Variants in GALNT13 observed in about 807,000 individuals in gnomAD.
GALNT13 encodes UDP-GalNAc:polypeptide N-acetylgalactosaminyltransferase 13.
In GALNT13, 28 loss-of-function variants were observed where a neutral mutation model predicts 64.2. The ratio of observed to expected loss-of-function variants is 0.44; its 90% confidence interval spans 0.32 to 0.60. The LOEUF (loss-of-function observed/expected upper bound fraction) is 0.60. GALNT13 is among the 20% of genes least tolerant of loss of function. The probability of loss-of-function intolerance (pLI) is 0.05; values close to 1 mark genes in which losing one functional copy is unlikely to be tolerated. For synonymous variants in GALNT13, 214 were observed against 224.6 expected, an observed-to-expected ratio of 0.95 and a Z score of 0.42; for missense variants, 577 against 669.8, an observed-to-expected ratio of 0.86 and a Z score of 1.53.
the GALNT13 span, among the ~76,000 whole-genome samples, chr2:153,793,202 G>A: frequency 6.6e-6 from 1 of 151,744 alleles, no homozygotes; most frequent in Admixed American, 6.6e-5. Flanking sequence ...TTGATTTCTT[G>A]ACCTTGTGAT....
chr2:154,278,611 T>C (rs1289411380), intron 8 of GALNT13, among the ~76,000 whole-genome samples: 1 of 152,168 alleles, frequency 6.6e-6, no homozygotes, highest in African/African-American at 2.4e-5. Flanking sequence ...AAGTCAAAAC[T>C]GTCAGTGAAG....
At chr2:153,416,746 C>CCT in the GALNT13 span, among the ~76,000 whole-genome samples, 2 of 152,134 alleles carry the variant, frequency 1.3e-5, no homozygotes, top group Non-Finnish European at 2.9e-5. Flanking sequence ...GCCAGATACT[C>CCT]CTCTATGTGA....
the GALNT13 span, among the ~76,000 whole-genome samples, chr2:153,610,109 C>T: frequency 6.6e-6 from 1 of 152,098 alleles, no homozygotes; most frequent in Non-Finnish European, 1.5e-5. Flanking sequence ...TCCCATCATT[C>T]ATAGAGAAGA....
the GALNT13 span, among the ~76,000 whole-genome samples, chr2:153,568,884 A>G: frequency 1.2e-3 from 185 of 152,368 alleles, 1 homozygote; most frequent in Non-Finnish European, 2.0e-3. Flanking sequence ...TCATGGACAT[A>G]GAGTATGTCT....
At chr2:153,357,098 G>A in the GALNT13 span, among the ~76,000 whole-genome samples, 14 of 152,050 alleles carry the variant, frequency 9.2e-5, no homozygotes, top group African/African-American at 1.7e-4. Context: ...GTGAGCCACC[G>A]TGCCCGACAG....
At chr2:153,745,440 T>C in the GALNT13 span, among the ~76,000 whole-genome samples, 1 of 152,156 alleles carries the variant, frequency 6.6e-6, no homozygotes, top group Non-Finnish European at 1.5e-5. Context: ...AGTTAGCATT[T>C]GGTTTGGGCA....
chr2:154,274,765 G>A (rs1401081018), intron 8 of GALNT13, among the ~76,000 whole-genome samples: 1 of 151,998 alleles, frequency 6.6e-6, no homozygotes, highest in African/African-American at 2.4e-5. Context: ...TTGGTACTGG[G>A]GGTACCAAAA....
At chr2:153,302,728 T>G in the GALNT13 span, among the ~76,000 whole-genome samples, 6 of 152,160 alleles carry the variant, frequency 3.9e-5, no homozygotes, top group Non-Finnish European at 8.8e-5. Context: ...GTTGATTTTT[T>G]TGTATATGTT....
chr2:154,409,638 T>G (rs1046027294), intron 11 of GALNT13, among the ~76,000 whole-genome samples: 13 of 151,952 alleles, frequency 8.6e-5, no homozygotes, highest in Non-Finnish European at 1.8e-4. Flanking sequence ...ATGGAGGCTA[T>G]TTGGCTGTGA....
chr2:153,503,785 T>C, the GALNT13 span, among the ~76,000 whole-genome samples: 1 of 152,212 alleles, frequency 6.6e-6, no homozygotes, highest in African/African-American at 2.4e-5. Context: ...TTGGCAACTA[T>C]GGCCTTATAG....
the GALNT13 span, among the ~76,000 whole-genome samples, chr2:153,570,120 T>A: frequency 1.3e-5 from 2 of 152,186 alleles, no homozygotes; most frequent in Non-Finnish European, 2.9e-5. Flanking sequence ...ATTGCCTGTC[T>A]TTTGGATAAA....
chr2:153,857,771 C>T, the GALNT13 span, among the ~76,000 whole-genome samples: 1 of 152,094 alleles, frequency 6.6e-6, no homozygotes, highest in Non-Finnish European at 1.5e-5. Flanking sequence ...TGTTTAAATA[C>T]AGGATTTTAA....
At chr2:153,552,705 A>G in the GALNT13 span, among the ~76,000 whole-genome samples, 3 of 151,756 alleles carry the variant, frequency 2.0e-5, no homozygotes, top group Non-Finnish European at 4.4e-5. Context: ...TTTCTAGAAC[A>G]GTGGTCCCCA....
chr2:153,561,697 G>A, the GALNT13 span, among the ~76,000 whole-genome samples: 2 of 149,322 alleles, frequency 1.3e-5, no homozygotes, highest in Non-Finnish European at 3.0e-5. Context: ...CTTAGGTTAG[G>A]TAAGACCTCC....
At chr2:153,915,405 T>C (rs1426644677) in intron 2 of GALNT13, among the ~76,000 whole-genome samples, 1 of 152,186 alleles carries the variant, frequency 6.6e-6, no homozygotes, top group Non-Finnish European at 1.5e-5. Context: ...AGGGGATTCC[T>C]GGGTGTCTAC....
intron 4 of GALNT13, among the ~76,000 whole-genome samples, chr2:154,188,533 C>T (rs1270354588): frequency 6.6e-6 from 1 of 152,100 alleles, no homozygotes; most frequent in African/African-American, 2.4e-5. Flanking sequence ...TGATTGTGAG[C>T]CTAGCAAAGC....
chr2:154,310,948 A>ATTCATAGAATATTCTAAGAATATATG (rs2105127608), intron 9 of GALNT13, among the ~76,000 whole-genome samples: 1 of 152,068 alleles, frequency 6.6e-6, no homozygotes, highest in East Asian at 1.9e-4. Context: ...ATTCATATAT[A>ATTCATAGAATATTCTAAGAATATATG]TTCATAGAAT....
chr2:154,191,102 G>A (rs1057050379), intron 4 of GALNT13, among the ~76,000 whole-genome samples: 3 of 152,158 alleles, frequency 2.0e-5, no homozygotes, highest in African/African-American at 7.2e-5. Flanking sequence ...CCTTTAAGTG[G>A]CAAACACTGG....
chr2:153,307,201 A>G, the GALNT13 span, among the ~76,000 whole-genome samples: 1 of 152,232 alleles, frequency 6.6e-6, no homozygotes, highest in Non-Finnish European at 1.5e-5. Context: ...TGGAACAAGT[A>G]TTTGCATTAT....
Sources: gnomAD v4.1 joint callset for allele counts (sites outside exome capture counted in the v4.1 genomes callset) on GRCh38, gnomAD v4.1.1 for gene constraint, MANE v1.5 for transcripts, NCBI Gene and HGNC (gene_info 2026-07-23, HGNC 2026-07-21) for gene names.